Variants in NLRP3 observed in about 807,000 individuals in gnomAD.
NLRP3 encodes the protein NLR family pyrin domain containing 3.
Under a neutral mutation model 91.3 loss-of-function variants are expected in NLRP3, and 48 were observed. That is an observed-to-expected ratio of 0.53 (90% CI 0.42 to 0.67). The LOEUF is 0.67. Among genes scored for constraint, NLRP3 ranks in the 30% least tolerant of loss-of-function variants. NLRP3 has a pLI of 0.00. For synonymous variants in NLRP3, 561 were observed against 507.9 expected, an observed-to-expected ratio of 1.10 and a Z score of -1.41; for missense variants, 982 against 1,276.9, an observed-to-expected ratio of 0.77 and a Z score of 3.52.
chr1:247,419,742 G>A (rs1263698067), intron 2 of NLRP3, among the ~76,000 whole-genome samples: 1 of 152,200 alleles, frequency 6.6e-6, no homozygotes, highest in African/African-American at 2.4e-5. Flanking sequence ...GTTGTAGCAT[G>A]TGTCGGAATT....
intron 7 of NLRP3, among the ~76,000 whole-genome samples, chr1:247,437,518 C>G (rs1326046345): frequency 6.6e-6 from 1 of 152,174 alleles, no homozygotes; most frequent in Non-Finnish European, 1.5e-5. Context: ...TAGGGTATTA[C>G]CCTTCCTTAG....
rs1303772293 is a variant in NLRP3 at position 247,425,406 on chromosome 1, A to C, written c.1957A>C (p.Ile653Leu). The C allele has an allele frequency of 6.2e-7, 1 of 1,614,042 alleles. No individual in the cohort carries two copies. Among genetic ancestry groups the C allele is most frequent in the Non-Finnish European group, 8.5e-7 (1 of 1,180,022 alleles). Residue 653 changes from isoleucine (I) to leucine (L), a missense_variant, in exon 4 of 10, where the codon ATC becomes CTC. Transcript: ENST00000336119. This position sits in a 1 kb window ranked among gnomAD's most constrained non-coding sequence, Gnocchi z 4.1. ...CATGGACTATTTCCCCAAGATTGAG[A>C]TCAATCTCTCCACCAGAATGGACCA... is the stretch of plus-strand genomic sequence containing the variant. ...RAMDYFPKIE[I>L]NLSTRMDHMV... is the part of the protein sequence containing the mutation.
chr1:247,445,641 CT>C (rs1327343349), intron 9 of NLRP3, among the ~76,000 whole-genome samples: 1 of 152,216 alleles, frequency 6.6e-6, no homozygotes, highest in East Asian at 1.9e-4. Context: ...CTAGCAAGAG[CT>C]TCCTGGCGAG....
At position 247,436,000 on chromosome 1, in the gene NLRP3, T is replaced by C. The variant is rs202052269; in HGVS notation, c.2523T>C (p.Cys841=). 1 of 1,614,120 alleles carries C rather than the reference T, an allele frequency of 6.2e-7. No individual in the cohort carries two copies. Among genetic ancestry groups the C allele is most frequent in the Non-Finnish European group, 8.5e-7 (1 of 1,180,036 alleles). ...WLVSCCLTSA[C]CQDLASVLST... ...TCAGCTGCTGCCTCACATCAGCATGTTGTCAGGATCTTGCATCAGTATTGA... is the reference window on the plus strand; with the variant it reads ...TCAGCTGCTGCCTCACATCAGCATGCTGTCAGGATCTTGCATCAGTATTGA... The change falls in exon 7 of 10, where the codon TGT becomes TGC. Residue 841 remains cysteine (C), a synonymous_variant. Coordinates refer to ENST00000336119, the MANE Select transcript of NLRP3 (RefSeq NM_001243133.2).
At position 247,444,774 on chromosome 1, in the gene NLRP3, G is replaced by A. The variant is rs771954069; in HGVS notation, c.2958G>A (p.Met986Ile). The change falls in exon 9 of 10, where the codon ATG (methionine) becomes ATA (isoleucine). Residue 986 changes from methionine to isoleucine, a missense_variant. Coordinates refer to ENST00000336119, the MANE Select transcript of NLRP3 (RefSeq NM_001243133.2). The stretch of plus-strand genomic sequence containing the variant: ...ACCTGGGCGACCTGGGGGTCATGAT[G>A]TTCTGTGAAGTGCTGAAACAGCAGA... Reference protein sequence around the residue: ...NNDLGDLGVMMFCEVLKQQSC... With the variant: ...NNDLGDLGVMIFCEVLKQQSC... 5.0e-6 allele frequency: 8 copies of A among 1,614,158 alleles called. No individual in the cohort carries two copies. Among genetic ancestry groups the A allele is most frequent in the South Asian group, 2.2e-5 (2 of 91,080 alleles).
rs1209804180 is a variant in NLRP3, at chr1:247,419,162, A to ATTTTTTT, written c.277+86_277+87insTTTTTTT. The ATTTTTTT allele has an allele frequency of 1.2e-5, 3 of 248,034 alleles. No homozygotes were observed. The African/African-American group carries it at 1.5e-4, about 13-fold the overall frequency. The allele number at this position is 248,034 out of a possible 1,614,324, so 15.4% of individuals were successfully genotyped here. ...TCCATCTTTATATATATATATATATATATTTTTTTTTGAGACGGAGTTGCT... is the reference window on the plus strand; with the variant it reads ...TCCATCTTTATATATATATATATATATTTTTTTTATTTTTTTTTGAGACGGAGTTGCT... On this transcript the variant is annotated intron_variant, in intron 2 of 9. Transcript: ENST00000336119.
At chr1:247,433,124 T>C (rs895883507) in intron 5 of NLRP3, among the ~76,000 whole-genome samples, 5 of 152,116 alleles carry the variant, frequency 3.3e-5, no homozygotes, top group East Asian at 3.9e-4. Context: ...GGTGGATCCC[T>C]TGAGCCCAGG....
At position 247,428,062 on chromosome 1, in the gene NLRP3, C is replaced by A. The variant is rs530430949; in HGVS notation, c.2151-1523C>A. 4.5e-3 allele frequency among the ~76,000 whole-genome samples: 641 copies of A among 141,830 alleles called. 2 individuals are homozygous for A. The highest frequency in any genetic ancestry group is 8.2e-3 in the Middle Eastern group (2 of 244). The allele number at this position is 141,830 out of a possible 152,430, so 93.0% of individuals were successfully genotyped here. Reference sequence around the variant, plus strand: ...TGAGGACAGACTCTCACTGAAGCCCCGGTAGGAGGCTCAGCACCCATTTCT... The same window carrying A: ...TGAGGACAGACTCTCACTGAAGCCCAGGTAGGAGGCTCAGCACCCATTTCT... On this transcript the variant is annotated intron_variant, in intron 4 of 9. Coordinates refer to ENST00000336119, the MANE Select transcript of NLRP3 (RefSeq NM_001243133.2).
At chr1:247,446,749 A>G (rs1456794683) in intron 9 of NLRP3, among the ~76,000 whole-genome samples, 1 of 151,958 alleles carries the variant, frequency 6.6e-6, no homozygotes, top group Admixed American at 6.6e-5. Context: ...TTTCTTGTTT[A>G]TTTATTATCT....
In NLRP3 at chr1:247,423,853, G is replaced by C. The variant is rs138946894; in HGVS notation, c.404G>C (p.Arg135Pro). The change falls in exon 4 of 10, where the codon CGT becomes CCT. Residue 135 changes from arginine (R) to proline (P), a missense_variant. Transcript: ENST00000336119. ...CTTCCTGTCTTTGCCGTAGATTACCGTAAGAAGTACAGAAAGTACGTGAGA... is the reference window on the plus strand; with the variant it reads ...CTTCCTGTCTTTGCCGTAGATTACCCTAAGAAGTACAGAAAGTACGTGAGA... ...ISICKMKKDY[R>P]KKYRKYVRSR... 2.5e-6 allele frequency: 4 copies of C among 1,613,686 alleles called. No homozygotes were observed. Among genetic ancestry groups the C allele is most frequent in the Non-Finnish European group, 2.5e-6 (3 of 1,179,866 alleles).
chr1:247,444,798 G>C lies in NLRP3; in HGVS notation c.2982G>C (p.Gln994His), dbSNP rs148150585. 95 of 1,613,952 alleles carry C rather than the reference G, an allele frequency of 5.9e-5. No individual in the cohort carries two copies. Among genetic ancestry groups the C allele is most frequent in the Non-Finnish European group, 7.2e-5 (85 of 1,180,040 alleles). The change falls in exon 9 of 10, where the codon CAG (glutamine) becomes CAC (histidine). Residue 994 changes from glutamine to histidine, a missense_variant. Transcript: ENST00000336119. Reference sequence around the variant, plus strand: ...TGTTCTGTGAAGTGCTGAAACAGCAGAGCTGCCTCCTGCAGAACCTGGGGT... The same window carrying C: ...TGTTCTGTGAAGTGCTGAAACAGCACAGCTGCCTCCTGCAGAACCTGGGGT... Reference protein sequence around the residue: ...VMMFCEVLKQQSCLLQNLGLS... With the variant: ...VMMFCEVLKQHSCLLQNLGLS...
chr1:247,420,744 T>C (rs1444388891), intron 2 of NLRP3, among the ~76,000 whole-genome samples: 1 of 47,332 alleles, frequency 2.1e-5, no homozygotes, highest in Non-Finnish European at 4.5e-5. Flanking sequence ...TCTTGTATTG[T>C]CTTGGTTTTT....
At chr1:247,435,683 T>A (rs774384129) in intron 6 of NLRP3, among the ~76,000 whole-genome samples, 2 of 152,202 alleles carry the variant, frequency 1.3e-5, no homozygotes, top group Non-Finnish European at 2.9e-5. Flanking sequence ...GGCCATTAAT[T>A]GTGCACTTAA....
chr1:247,431,164 AC>A (rs1408510943), intron 5 of NLRP3, among the ~76,000 whole-genome samples: 2 of 151,746 alleles, frequency 1.3e-5, no homozygotes, highest in Non-Finnish European at 2.9e-5. Context: ...AGCCTGGGTG[AC>A]AGAGCGAGAT....
At chr1:247,438,378 G>GTGTTTTTT (rs778311030) in intron 7 of NLRP3, among the ~76,000 whole-genome samples, 25 of 71,894 alleles carry the variant, frequency 3.5e-4, no homozygotes, top group South Asian at 3.0e-3. Flanking sequence ...GTTTAGTTGT[G>GTGTTTTTT]TTTTTTTTTT....
At chr1:247,448,322 T>A in intron 9 of NLRP3, 83 bp from the exon 10 acceptor site, 1 of 711,540 alleles carries the variant, frequency 1.4e-6, no homozygotes, top group Non-Finnish European at 2.6e-6. Context: ...TTTAGGGAAA[T>A]GAAGAGATGA....
chr1:247,438,672 C>G (rs546048610), intron 7 of NLRP3, among the ~76,000 whole-genome samples: 19 of 152,328 alleles, frequency 1.2e-4, no homozygotes, highest in African/African-American at 4.3e-4. Context: ...GCGTGAGCCA[C>G]ACACCCGCCT....
intron 6 of NLRP3, among the ~76,000 whole-genome samples, chr1:247,435,340 G>T (rs932806570): frequency 6.6e-6 from 1 of 152,120 alleles, no homozygotes; most frequent in African/African-American, 2.4e-5. Flanking sequence ...ATAACCAAAC[G>T]TCCTTCAACG....
Position 247,425,224 on chromosome 1 carries a change from A to G in NLRP3, c.1775A>G (p.Lys592Arg). The change falls in exon 4 of 10, where the codon AAG becomes AGG. Residue 592 changes from lysine to arginine, a missense_variant. Lys to Arg is a conservative substitution (Grantham distance 26). Around this residue, in one of 5 missense-constraint regions of NLRP3, gnomAD observed 32 missense variants for 60.3 expected, o/e 0.53. Transcript: ENST00000336119. This position sits in a 1 kb window ranked among gnomAD's most constrained non-coding sequence, Gnocchi z 4.1. ...VNQERTSYLEKKLSCKISQQI... is the reference protein window; with the variant it reads ...VNQERTSYLERKLSCKISQQI... ...CAGGAGAGGACCTCCTACTTGGAGA[A>G]GAAATTAAGTTGCAAGATCTCTCAG... is the stretch of plus-strand genomic sequence containing the variant. 2 of 1,614,218 alleles carry G rather than the reference A, an allele frequency of 1.2e-6. No homozygotes were observed. The highest frequency in any genetic ancestry group is 1.7e-6 in the Non-Finnish European group (2 of 1,180,044).
Sources: gnomAD v4.1 joint callset for allele counts (sites outside exome capture counted in the v4.1 genomes callset) on GRCh38, gnomAD v4.1.1 for gene constraint, gnomAD v4.1.1 regional missense constraint, Gnocchi (gnomAD v3.1) non-coding constraint, MANE v1.5 for transcripts, NCBI Gene and HGNC (gene_info 2026-07-23, HGNC 2026-07-21) for gene names.